Variants in CCDC93 observed in about 807,000 individuals in gnomAD.
CCDC93 encodes the protein coiled-coil domain-containing protein 93.
A neutral mutation model predicts 108.2 loss-of-function variants in CCDC93; 61 were observed. The ratio of observed to expected loss-of-function variants is 0.56; its 90% CI spans 0.46 to 0.70. The LOEUF is 0.70. Among genes scored for constraint, CCDC93 ranks in the 30% least tolerant of loss-of-function variants. The pLI, the probability that CCDC93 is intolerant of heterozygous loss-of-function variation, is 0.00. For missense variants in CCDC93, 685 were observed against 764.2 expected, an observed-to-expected ratio of 0.90 and a Z score of 1.22; for synonymous variants, 276 against 260.4, an observed-to-expected ratio of 1.06 and a Z score of -0.58.
chr2:117,983,370 T>C (rs1391065577), intron 7 of CCDC93, among the ~76,000 whole-genome samples: 3 of 152,154 alleles, frequency 2.0e-5, no homozygotes, highest in African/African-American at 7.2e-5. Flanking sequence ...CAATAAATTA[T>C]GTATGCCATT....
intron 19 of CCDC93, among the ~76,000 whole-genome samples, chr2:117,939,406 G>C (rs1035932928): frequency 6.6e-6 from 1 of 152,198 alleles, no homozygotes; most frequent in Non-Finnish European, 1.5e-5. Flanking sequence ...AGAACTGGGT[G>C]GGGGTTGTAG....
rs1042032311 is a variant in CCDC93, at chr2:117,975,374, AAC to A, written c.658-96_658-95del. 1.7e-4 allele frequency: 149 copies of A among 890,228 alleles called. No individual in the cohort carries two copies. In the African/African-American group the frequency reaches 2.1e-3, roughly 13 times the overall value. 55.1% of individuals were successfully genotyped at this position (890,228 alleles called of 1,614,324 possible). A position where few individuals can be genotyped will look rare whatever the true frequency, so the allele number is the denominator to read the frequency against. ...ACAAGAGGCATGAGTCTGTGAAAAA[AAC>A]ACAGACCTGCAGAGCAGCAGCATCC... On this transcript the variant is annotated intron_variant, in intron 8 of 23. Coordinates refer to ENST00000376300, the MANE Select transcript of CCDC93 (RefSeq NM_019044.5).
At position 117,918,672 on chromosome 2, in the gene CCDC93, C is replaced by T. The variant is rs182324417; in HGVS notation, c.*1671G>A. 6.6e-6 allele frequency: 1 copy of T among 152,274 alleles called. No homozygotes were observed. The highest frequency in any genetic ancestry group is 1.5e-5 in the Non-Finnish European group (1 of 68,060). The allele number at this position is 152,274 out of a possible 1,614,324, so 9.4% of individuals were successfully genotyped here. A position where few individuals can be genotyped will look rare whatever the true frequency, so the allele number is the denominator to read the frequency against. On this transcript the variant is annotated 3_prime_UTR_variant, in exon 24 of 24. Transcript: ENST00000376300. ...CAAACTTCTGTCTCCTTCCCCTGCC[C>T]TCAGAGTGCCACCTGTTCTTTTGCA...
intron 19 of CCDC93, among the ~76,000 whole-genome samples, chr2:117,939,849 T>C (rs1238894651): frequency 1.3e-5 from 2 of 152,180 alleles, no homozygotes; most frequent in Non-Finnish European, 2.9e-5. Context: ...TGTAGGATAA[T>C]GGCACTATGG....
chr2:117,992,683 AACCT>A (rs1195678749), intron 6 of CCDC93, among the ~76,000 whole-genome samples: 2 of 152,046 alleles, frequency 1.3e-5, no homozygotes, highest in Non-Finnish European at 2.9e-5. Flanking sequence ...ACTGATATAT[AACCT>A]ACCTGTGTTT....
chr2:117,934,984 T>A (rs1358295105), intron 22 of CCDC93: 1 of 152,220 alleles, frequency 6.6e-6, no homozygotes, highest in Non-Finnish European at 1.5e-5. Flanking sequence ...AGACTCAATT[T>A]CCTCTCAATT....
chr2:117,963,980 A>C (rs932233855), intron 11 of CCDC93, among the ~76,000 whole-genome samples: 2 of 152,192 alleles, frequency 1.3e-5, no homozygotes, highest in African/African-American at 4.8e-5. Context: ...ATTAGTTGAT[A>C]CCATTATCCT....
chr2:117,966,069 C>T (rs1245607369), intron 11 of CCDC93, among the ~76,000 whole-genome samples: 3 of 152,172 alleles, frequency 2.0e-5, no homozygotes, highest in African/African-American at 7.2e-5. Flanking sequence ...GGGTCAATTC[C>T]CTCCAACTTT....
At position 117,975,381 on chromosome 2, in the gene CCDC93, A is replaced by T. The variant is rs533573055; in HGVS notation, c.658-101T>A. The T allele has an allele frequency of 1.3e-4, 109 of 838,554 alleles. No individual in the cohort carries two copies. The African/African-American group carries it at 1.6e-3, about 12-fold the overall frequency. The allele number at this position is 838,554 out of a possible 1,614,324, so 51.9% of individuals were successfully genotyped here. On this transcript the variant is annotated intron_variant, in intron 8 of 23. Coordinates refer to ENST00000376300, the MANE Select transcript of CCDC93 (RefSeq NM_019044.5). ...GCATGAGTCTGTGAAAAAAACACAG[A>T]CCTGCAGAGCAGCAGCATCCTGAGA...
chr2:117,928,910 C>G (rs889361117), intron 23 of CCDC93, among the ~76,000 whole-genome samples: 13 of 152,176 alleles, frequency 8.5e-5, no homozygotes, highest in Non-Finnish European at 1.8e-4. Flanking sequence ...CACATATACA[C>G]CACGGAATAC....
At chr2:117,977,686 C>G (rs558425068) in intron 8 of CCDC93, among the ~76,000 whole-genome samples, 3 of 152,182 alleles carry the variant, frequency 2.0e-5, no homozygotes, top group Non-Finnish European at 4.4e-5. Context: ...ATGAGGAGTG[C>G]TCTGGGAGCC....
chr2:117,979,724 G>A (rs1157017584), intron 7 of CCDC93, among the ~76,000 whole-genome samples: 1 of 152,176 alleles, frequency 6.6e-6, no homozygotes, highest in African/African-American at 2.4e-5. Flanking sequence ...AAGTGTAGCA[G>A]ACCAAGGTTA....
chr2:118,001,658 C>T (rs1676692911), intron 3 of CCDC93, among the ~76,000 whole-genome samples: 1 of 138,956 alleles, frequency 7.2e-6, no homozygotes, highest in Non-Finnish European at 1.6e-5. Context: ...AGGGAGGAAC[C>T]AGGCTTCCTG....
At chr2:118,008,267 C>A (rs1219950854) in intron 2 of CCDC93, among the ~76,000 whole-genome samples, 1 of 152,224 alleles carries the variant, frequency 6.6e-6, no homozygotes, top group Non-Finnish European at 1.5e-5. Flanking sequence ...ATAATCCCCA[C>A]CCAAACTGTA....
chr2:117,931,749 T>G (rs564049082), intron 22 of CCDC93: 35 of 152,350 alleles, frequency 2.3e-4, no homozygotes, highest in African/African-American at 8.4e-4. Context: ...TCCTGCTGAT[T>G]GCTAACTTAC....
chr2:117,926,516 T>C (rs1430519717), intron 23 of CCDC93, among the ~76,000 whole-genome samples: 1 of 152,158 alleles, frequency 6.6e-6, no homozygotes, highest in Non-Finnish European at 1.5e-5. Flanking sequence ...CTAGAAAATC[T>C]AGAAGAAATG....
At chr2:117,922,231 G>A (rs775882510) in intron 23 of CCDC93, among the ~76,000 whole-genome samples, 4 of 152,142 alleles carry the variant, frequency 2.6e-5, no homozygotes, top group African/African-American at 7.2e-5. Context: ...AACCCTAGGC[G>A]ATGCTTGTAC....
intron 17 of CCDC93, 63 bp downstream of exon 17, chr2:117,945,466 G>A (rs1395837143): frequency 5.3e-6 from 7 of 1,314,036 alleles, no homozygotes; most frequent in Non-Finnish European, 6.6e-6. Flanking sequence ...CATCACAGGA[G>A]AGTGGAAAGC....
chr2:117,941,387 C>A, intron 18 of CCDC93, 90 bp from the exon 19 acceptor site: 1 of 943,070 alleles, frequency 1.1e-6, no homozygotes. Flanking sequence ...GCACCCCGAC[C>A]TGAGCCCAAC....
Sources: allele counts gnomAD v4.1 joint callset (sites outside exome capture counted in the v4.1 genomes callset), GRCh38; gene constraint gnomAD v4.1.1; transcripts MANE v1.5; gene names NCBI Gene and HGNC (gene_info 2026-07-23, HGNC 2026-07-21).